The following OMA1 variants were observed in gnomAD, a reference collection of about 807,000 sequenced individuals.
The protein encoded by OMA1 is OMA1 zinc metallopeptidase, also known as metalloendopeptidase OMA1, mitochondrial.
In OMA1, 38 loss-of-function variants were observed where a neutral mutation model predicts 30.9. That is an observed-to-expected ratio of 1.23 (90% CI 0.95 to 1.61). The LOEUF is 1.61. Among genes scored for constraint, OMA1 ranks in the 40% most tolerant of loss-of-function variants. OMA1 has a pLI of 0.00. For synonymous variants in OMA1, 173 were observed against 121.9 expected, an observed-to-expected ratio of 1.42 and a Z score of -2.76; for missense variants, 461 against 349.2, an observed-to-expected ratio of 1.32 and a Z score of -2.55.
intron 8 of OMA1, among the ~76,000 whole-genome samples, 158 bp from the exon 9 acceptor site, chr1:58,481,332 G>A (rs1037477570): frequency 6.6e-6 from 1 of 151,988 alleles, no homozygotes; most frequent in Non-Finnish European, 1.5e-5. Flanking sequence ...GAGAACCACT[G>A]AAAAATCTAC....
At chr1:58,539,803 C>A (rs935041182) in intron 1 of OMA1, among the ~76,000 whole-genome samples, 2 of 152,116 alleles carry the variant, frequency 1.3e-5, no homozygotes, top group Non-Finnish European at 2.9e-5. Flanking sequence ...TGCTTCCAGG[C>A]CACAATGCAG....
intron 7 of OMA1, among the ~76,000 whole-genome samples, chr1:58,507,074 G>A (rs945958624): frequency 3.9e-5 from 6 of 151,900 alleles, no homozygotes; most frequent in Non-Finnish European, 7.4e-5. Context: ...TGGAGAGGGA[G>A]CAACACTTTT....
At chr1:58,485,060 G>C (rs1485480378) in intron 8 of OMA1, among the ~76,000 whole-genome samples, 1 of 151,764 alleles carries the variant, frequency 6.6e-6, no homozygotes, top group Non-Finnish European at 1.5e-5. Flanking sequence ...GATAATGATG[G>C]GTCAACATAG....
chr1:58,523,198 G>A (rs1376733664), intron 7 of OMA1, among the ~76,000 whole-genome samples: 1 of 152,134 alleles, frequency 6.6e-6, no homozygotes, highest in Non-Finnish European at 1.5e-5. Flanking sequence ...TCTAAGATCT[G>A]TATATTGAAA....
At chr1:58,526,714 A>G (rs1646355619) in intron 7 of OMA1, among the ~76,000 whole-genome samples, 2 of 152,100 alleles carry the variant, frequency 1.3e-5, no homozygotes, top group Non-Finnish European at 2.9e-5. Context: ...TCATAGCTAC[A>G]ACAGGATCAA....
At chr1:58,533,649 T>C (rs1231793278) in intron 5 of OMA1, among the ~76,000 whole-genome samples, 1 of 152,130 alleles carries the variant, frequency 6.6e-6, no homozygotes, top group Non-Finnish European at 1.5e-5. Flanking sequence ...ATATTAATAA[T>C]TATAGAAAGT....
chr1:58,520,589 C>A (rs953584768), intron 7 of OMA1, among the ~76,000 whole-genome samples: 9 of 152,250 alleles, frequency 5.9e-5, no homozygotes, highest in African/African-American at 2.2e-4. Flanking sequence ...GGGCTACACA[C>A]ACAAGAACAC....
chr1:58,526,399 T>A (rs7520008), intron 7 of OMA1, among the ~76,000 whole-genome samples: 47,248 of 151,880 alleles, frequency 0.31, 7,778 homozygotes, highest in Middle Eastern at 0.42. Context: ...AAAGGATCAA[T>A]TAAAACTTGA....
At chr1:58,494,623 C>T (rs2100388078) in intron 8 of OMA1, among the ~76,000 whole-genome samples, 1 of 152,232 alleles carries the variant, frequency 6.6e-6, no homozygotes, top group East Asian at 1.9e-4. Context: ...TGAACAGACA[C>T]TTCTCAAAAG....
chr1:58,499,116 T>C (rs566840263), intron 8 of OMA1, among the ~76,000 whole-genome samples: 1 of 152,056 alleles, frequency 6.6e-6, no homozygotes, highest in South Asian at 2.1e-4. Flanking sequence ...TTATGCTAAG[T>C]GAAATAAGCC....
chr1:58,488,459 C>CT (rs529647379), intron 8 of OMA1, among the ~76,000 whole-genome samples: 27 of 151,194 alleles, frequency 1.8e-4, no homozygotes, highest in Middle Eastern at 3.4e-3. Context: ...AATGTGTAGT[C>CT]TTTTTTTTTG....
intron 6 of OMA1, among the ~76,000 whole-genome samples, chr1:58,529,644 G>A (rs889693058): frequency 4.6e-5 from 7 of 152,094 alleles, no homozygotes; most frequent in African/African-American, 1.2e-4. Context: ...TAACAGTGCC[G>A]CATTAAAACC....
At chr1:58,503,961 A>T (rs1451370455) in intron 8 of OMA1, among the ~76,000 whole-genome samples, 1 of 152,140 alleles carries the variant, frequency 6.6e-6, no homozygotes, top group Non-Finnish European at 1.5e-5. Flanking sequence ...ATATATCCAG[A>T]ATCTGACTGA....
intron 8 of OMA1, among the ~76,000 whole-genome samples, chr1:58,483,777 A>G (rs1557435248): frequency 6.6e-6 from 1 of 152,250 alleles, no homozygotes; most frequent in East Asian, 1.9e-4. Flanking sequence ...GACATCAGGC[A>G]TGAGCCATGA....
At chr1:58,508,141 AG>A (rs897878108) in intron 7 of OMA1, among the ~76,000 whole-genome samples, 2 of 152,202 alleles carry the variant, frequency 1.3e-5, no homozygotes, top group African/African-American at 4.8e-5. Context: ...CCTACAGACT[AG>A]AAAGTATTCC....
intron 8 of OMA1, among the ~76,000 whole-genome samples, chr1:58,505,124 G>GT (rs1377613132): frequency 6.6e-6 from 1 of 152,114 alleles, no homozygotes; most frequent in Non-Finnish European, 1.5e-5. Flanking sequence ...GCCTAATTTT[G>GT]TATTTTCAGT....
chr1:58,492,827 T>C (rs1030018831), intron 8 of OMA1, among the ~76,000 whole-genome samples: 1 of 152,220 alleles, frequency 6.6e-6, no homozygotes, highest in African/African-American at 2.4e-5. Context: ...AGCCGAATTC[T>C]ACCAGAGGTA....
In OMA1 at chr1:58,539,124, C is replaced by T; in HGVS notation, c.171G>A (p.Gln57=). ...CAGGCAGAAAACTCCACCTGTCACA[C>T]TGATTTACTCCCAGTCCCTGATACT... is the stretch of plus-strand genomic sequence containing the variant. ...VNKYQGLGVN[Q]CDRWSFLPGN... is the part of the protein sequence containing the mutation. Residue 57 remains glutamine (Q), a synonymous_variant, in exon 2 of 9, where the codon CAG becomes CAA. Transcript: ENST00000371226. 1.1e-6 allele frequency: 1 copy of T among 872,966 alleles called. No individual in the cohort carries two copies. Among genetic ancestry groups the T allele is most frequent in the Non-Finnish European group, 2.0e-6 (1 of 501,650 alleles). The allele number at this position is 872,966 out of a possible 1,614,324, so 54.1% of individuals were successfully genotyped here.
chr1:58,526,887 C>T (rs1204431959), intron 7 of OMA1, among the ~76,000 whole-genome samples: 1 of 152,130 alleles, frequency 6.6e-6, no homozygotes, highest in Non-Finnish European at 1.5e-5. Flanking sequence ...GAGGGGATGA[C>T]ACATTACATA....
Sources: gnomAD v4.1 joint callset for allele counts (sites outside exome capture counted in the v4.1 genomes callset) on GRCh38, gnomAD v4.1.1 for gene constraint, MANE v1.5 for transcripts, NCBI Gene and HGNC (gene_info 2026-07-23, HGNC 2026-07-21) for gene names.